The following PRKRA variants were observed in gnomAD, a reference collection of about 807,000 sequenced individuals.
PRKRA encodes the protein interferon-inducible double-stranded RNA-dependent protein kinase activator A.
Under a neutral mutation model 32.4 loss-of-function variants are expected in PRKRA, and 22 were observed. The observed-to-expected ratio is 0.68, with a 90% CI of 0.49 to 0.97. The LOEUF is 0.97. PRKRA is among the 50% of genes least tolerant of loss of function. The probability of loss-of-function intolerance (pLI) is 0.00; values close to 1 mark genes in which losing one functional copy is unlikely to be tolerated. For missense variants in PRKRA, 319 were observed against 375.6 expected, an observed-to-expected ratio of 0.85 and a Z score of 1.25; for synonymous variants, 139 against 129.8, an observed-to-expected ratio of 1.07 and a Z score of -0.48.
chr2:178,432,941 G>T (rs1005961847), intron 7 of PRKRA, among the ~76,000 whole-genome samples: 1 of 152,178 alleles, frequency 6.6e-6, no homozygotes, highest in Non-Finnish European at 1.5e-5. Flanking sequence ...ATCAACTGAT[G>T]AGCCACTCTT....
intron 7 of PRKRA, among the ~76,000 whole-genome samples, chr2:178,434,838 T>C (rs1397109652): frequency 6.6e-6 from 1 of 151,936 alleles, no homozygotes; most frequent in East Asian, 1.9e-4. Flanking sequence ...CAAGATACTT[T>C]GGCCAGGCAC....
At chr2:178,437,790 T>C (rs1299121111) in intron 6 of PRKRA, among the ~76,000 whole-genome samples, 2 of 152,216 alleles carry the variant, frequency 1.3e-5, no homozygotes, top group Non-Finnish European at 2.9e-5. Flanking sequence ...ATGAATAAAG[T>C]TGAATATTTT....
intron 5 of PRKRA, among the ~76,000 whole-genome samples, chr2:178,442,927 T>C (rs1174022580): frequency 6.6e-6 from 1 of 152,242 alleles, no homozygotes; most frequent in Non-Finnish European, 1.5e-5. Flanking sequence ...ATTTTCTAGA[T>C]AGAATAGCTG....
Position 178,443,382 on chromosome 2 carries a change from T to G in PRKRA, c.399A>C (p.Glu133Asp). The G allele has an allele frequency of 6.3e-7, 1 of 1,586,534 alleles. No homozygotes were observed. The highest frequency in any genetic ancestry group is 8.7e-7 in the Non-Finnish European group (1 of 1,155,070). The change falls in exon 5 of 8, where the codon GAA becomes GAC. Residue 133 changes from glutamate (E) to aspartate (D), a missense_variant and splice_region_variant. Coordinates refer to ENST00000325748, the MANE Select transcript of PRKRA (RefSeq NM_003690.5). The part of the protein sequence containing the change: ...NQLNPIGSLQ[E>D]LAIHHGWRLP... ...GTCTCCAGCCATGATGAATAGCCAA[T>G]TCCTATAAAATCAAGATGAGGCTTT... is the stretch of plus-strand genomic sequence containing the variant.
chr2:178,447,642 C>T, intron 2 of PRKRA, 56 bp from the exon 3 acceptor site: 2 of 1,294,478 alleles, frequency 1.5e-6, no homozygotes, highest in Non-Finnish European at 2.0e-6. Flanking sequence ...GTGCAGCTTA[C>T]AAAGATGTTT....
Position 178,431,855 on chromosome 2 carries a change from A to G in PRKRA, c.*242T>C, listed in dbSNP as rs1696664385. The G allele has an allele frequency of 1.8e-6, 1 of 550,660 alleles. No individual in the cohort carries two copies. The highest frequency in any genetic ancestry group is 1.9e-5 in the African/African-American group (1 of 52,404). 34.1% of individuals were successfully genotyped at this position (550,660 alleles called of 1,614,324 possible). A position where few individuals can be genotyped will look rare whatever the true frequency, so the allele number is the denominator to read the frequency against. On this transcript the variant is annotated 3_prime_UTR_variant, in exon 8 of 8. Coordinates refer to ENST00000325748, the MANE Select transcript of PRKRA (RefSeq NM_003690.5). ...TCTCTGATGTGCATGGCACTGTAAA[A>G]TGGGTGCTACACTCTCTCTTGTGGT... is the stretch of plus-strand genomic sequence containing the variant.
At chr2:178,435,383 C>CAAAAAAAAAAAAAAAAAAAAAAAAAAAA (rs765962501) in intron 7 of PRKRA, among the ~76,000 whole-genome samples, 1 of 61,436 alleles carries the variant, frequency 1.6e-5, no homozygotes, top group African/African-American at 5.9e-5. Context: ...TACTCCGTCT[C>CAAAAAAAAAAAAAAAAAAAAAAAAAAAA]AAAAAAAAAA....
Position 178,441,684 on chromosome 2 carries a change from G to T in PRKRA, c.535C>A (p.Gln179Lys), listed in dbSNP as rs1291295503. Residue 179 changes from glutamine (Q) to lysine (K), a missense_variant, in exon 6 of 8, where the codon CAA becomes AAA. By Grantham distance (53) the Gln-to-Lys change is moderately conservative (BLOSUM62 1). Coordinates refer to ENST00000325748, the MANE Select transcript of PRKRA (RefSeq NM_003690.5). ...TTCTCAGCAGCATTCCTTTTGGCTT[G>T]CTTTTTTGATGCCCCCTTTCCTGAA... The part of the protein sequence containing the change: ...METGKGASKK[Q>K]AKRNAAEKFL... The T allele has an allele frequency of 6.2e-7, 1 of 1,611,830 alleles. No individual in the cohort carries two copies. The highest frequency in any genetic ancestry group is 1.3e-5 in the African/African-American group (1 of 74,824).
chr2:178,443,133 A>AAGTCAGAGACAATAAAAGAGGAGTGTATC, intron 5 of PRKRA, 134 bp downstream of exon 5: 1 of 665,924 alleles, frequency 1.5e-6, no homozygotes. Context: ...CAACCTCAGA[A>AAGTCAGAGACAATAAAAGAGGAGTGTATC]AGTCAGAGAC....
intron 6 of PRKRA, among the ~76,000 whole-genome samples, chr2:178,441,086 T>C (rs1269783921): frequency 1.3e-5 from 2 of 152,210 alleles, no homozygotes; most frequent in Non-Finnish European, 2.9e-5. Context: ...TAGACATTAC[T>C]TCTTCCTGGA....
intron 7 of PRKRA, among the ~76,000 whole-genome samples, chr2:178,435,318 G>A (rs766363036): frequency 1.3e-5 from 2 of 148,294 alleles, no homozygotes; most frequent in Non-Finnish European, 3.0e-5. Context: ...AGGAGGCAGA[G>A]GTTGCAGTGA....
chr2:178,432,776 T>C (rs1312535014), intron 7 of PRKRA, among the ~76,000 whole-genome samples: 1 of 152,216 alleles, frequency 6.6e-6, no homozygotes, highest in Non-Finnish European at 1.5e-5. Context: ...AAAAAAAATG[T>C]TTAATTGATA....
Position 178,450,302 on chromosome 2 carries a change from C to T in PRKRA, c.175G>A (p.Val59Met), listed in dbSNP as rs1697521273. ...GTGAAAGTGGGCACGTGTATTTGCA[C>T]ATCAGATCTTTCACATTCATAAACT... ...IPVYECERSD[V>M]QIHVPTFTFR... Residue 59 changes from valine (V) to methionine (M), a missense_variant, in exon 2 of 8, where the codon GTG becomes ATG. Physicochemically the swap from Val to Met is conservative, Grantham distance 21. Coordinates refer to ENST00000325748, the MANE Select transcript of PRKRA (RefSeq NM_003690.5). 1.2e-6 allele frequency: 2 copies of T among 1,614,154 alleles called. No homozygotes were observed. Among genetic ancestry groups the T allele is most frequent in the African/African-American group, 1.3e-5 (1 of 74,948 alleles).
At chr2:178,449,383 C>G (rs1697450674) in intron 2 of PRKRA, among the ~76,000 whole-genome samples, 1 of 152,224 alleles carries the variant, frequency 6.6e-6, no homozygotes. Context: ...TCCAGGGACA[C>G]AAACAAATGC....
intron 3 of PRKRA, among the ~76,000 whole-genome samples, chr2:178,447,093 A>C (rs1697347820): frequency 6.6e-6 from 1 of 152,032 alleles, no homozygotes; most frequent in Admixed American, 6.5e-5. Flanking sequence ...TTATATAATA[A>C]AAGAAAACCT....
At chr2:178,450,799 A>AC (rs1266818144) in intron 1 of PRKRA, 167 bp downstream of exon 1, 2 of 1,323,876 alleles carry the variant, frequency 1.5e-6, no homozygotes, top group Admixed American at 8.1e-5. Flanking sequence ...CCGGCCGCAG[A>AC]CCCCAACCCT....
intron 7 of PRKRA, among the ~76,000 whole-genome samples, chr2:178,434,476 G>A (rs1001236031): frequency 2.6e-5 from 4 of 151,448 alleles, no homozygotes; most frequent in South Asian, 2.1e-4. Context: ...GGAGAGCAGC[G>A]GCATGATCAT....
chr2:178,443,995 T>C (rs892854133), intron 4 of PRKRA: 2 of 184,530 alleles, frequency 1.1e-5, no homozygotes, highest in African/African-American at 4.8e-5. Context: ...TGTGTTTGTG[T>C]GTGTATAGAT....
intron 5 of PRKRA, 41 bp from the exon 6 acceptor site, chr2:178,441,745 T>C (rs1188703807): frequency 4.0e-6 from 6 of 1,490,274 alleles, no homozygotes; most frequent in Non-Finnish European, 1.9e-6. Context: ...GAAAAGAAAT[T>C]AGTGTCCACA....
Sources: allele counts gnomAD v4.1 joint callset (sites outside exome capture counted in the v4.1 genomes callset), GRCh38; gene constraint gnomAD v4.1.1; transcripts MANE v1.5; gene names NCBI Gene and HGNC (gene_info 2026-07-23, HGNC 2026-07-21).